Variants in RSPH14 observed in about 807,000 individuals in gnomAD.
RSPH14 encodes rhabdoid tumor deletion region gene 1.
RSPH14 carries 20 observed loss-of-function variants against 26.7 expected under a neutral mutation model. The ratio of observed to expected loss-of-function variants is 0.75; its 90% confidence interval spans 0.53 to 1.09. RSPH14 has a LOEUF of 1.09. RSPH14 is among the 50% of genes least tolerant of loss of function. The probability of loss-of-function intolerance (pLI) is 0.00; values close to 1 mark genes in which losing one functional copy is unlikely to be tolerated. For missense variants in RSPH14, 449 were observed against 457.2 expected, an observed-to-expected ratio of 0.98 and a Z score of 0.16; for synonymous variants, 177 against 189.3, an observed-to-expected ratio of 0.93 and a Z score of 0.53.
intron 4 of RSPH14, among the ~76,000 whole-genome samples, chr22:23,102,550 G>A (rs909069927): frequency 6.6e-6 from 1 of 152,218 alleles, no homozygotes; most frequent in African/African-American, 2.4e-5. Context: ...TCAGAGGTCA[G>A]CCACAAGGCA....
At chr22:23,160,828 A>C in the RSPH14 span, 4 of 1,584,504 alleles carry the variant, frequency 2.5e-6, 1 homozygote, top group Admixed American at 6.9e-5. Flanking sequence ...AGATGCATTA[A>C]GGGGCAAGGA....
At chr22:23,147,693 A>G (rs1310425598), upstream of RSPH14, among the ~76,000 whole-genome samples, 6 of 152,198 alleles carry the variant, frequency 3.9e-5, no homozygotes, top group Non-Finnish European at 8.8e-5. Context: ...TACAATGTGC[A>G]TAAGGATAGG....
the RSPH14 span, among the ~76,000 whole-genome samples, chr22:23,166,468 A>G: frequency 2.0e-5 from 3 of 151,800 alleles, no homozygotes; most frequent in African/African-American, 7.3e-5. Context: ...CTTTCTCCCT[A>G]AGCAACAGCT....
chr22:23,145,374 C>G (rs150719251), upstream of RSPH14: 5 of 1,607,000 alleles, frequency 3.1e-6, no homozygotes, highest in Non-Finnish European at 4.2e-6. Flanking sequence ...CTATGGTGAT[C>G]GCCGGTGCAA....
At chr22:23,088,371 G>A (rs2068873105) in intron 4 of RSPH14, among the ~76,000 whole-genome samples, 2 of 152,188 alleles carry the variant, frequency 1.3e-5, no homozygotes, top group South Asian at 4.1e-4. Flanking sequence ...GTGGTCACAG[G>A]CATCAGTGAG....
In RSPH14 at chr22:23,130,100, A is replaced by G. The variant is rs570885737; in HGVS notation, c.421+3926T>C. 4.3e-3 allele frequency among the ~76,000 whole-genome samples: 312 copies of G among 73,028 alleles called. 4 individuals are homozygous for G. The highest frequency in any genetic ancestry group is 0.014 in the African/African-American group (284 of 20,370). The allele number at this position is 73,028 out of a possible 152,430, so 47.9% of individuals were successfully genotyped here. A position where few individuals can be genotyped will look rare whatever the true frequency, so the allele number is the denominator to read the frequency against. The stretch of plus-strand genomic sequence containing the variant: ...GAAAGAAAGGAAGAAAGAAAGAAAG[A>G]AAGAAAGAAAGAAAGAAAGAAAGAA... On this transcript the variant is annotated intron_variant, in intron 4 of 6. Coordinates refer to ENST00000216036, the MANE Select transcript of RSPH14 (RefSeq NM_014433.3).
At chr22:23,145,453 G>T, upstream of RSPH14, 1 of 1,610,524 alleles carries the variant, frequency 6.2e-7, no homozygotes, top group Non-Finnish European at 8.5e-7. Flanking sequence ...GATTCGTGTA[G>T]CCCGCAGGTC....
chr22:23,156,906 C>G, the RSPH14 span, among the ~76,000 whole-genome samples: 2 of 152,196 alleles, frequency 1.3e-5, no homozygotes, highest in East Asian at 3.9e-4. Flanking sequence ...GCCGTCATCC[C>G]TTTCCTCAGT....
upstream of RSPH14, among the ~76,000 whole-genome samples, chr22:23,144,109 A>AC (rs2070662637): frequency 6.6e-6 from 1 of 150,942 alleles, no homozygotes; most frequent in African/African-American, 2.4e-5. Flanking sequence ...AAAAAAAAAA[A>AC]AAAAAAAAAA....
At chr22:23,089,010 G>A (rs2068889835) in intron 4 of RSPH14, among the ~76,000 whole-genome samples, 1 of 152,238 alleles carries the variant, frequency 6.6e-6, no homozygotes, top group South Asian at 2.1e-4. Context: ...GGCAGGGTCT[G>A]TGTGTTGAAC....
intron 4 of RSPH14, among the ~76,000 whole-genome samples, chr22:23,078,909 C>T (rs577670242): frequency 1.1e-4 from 16 of 152,288 alleles, no homozygotes; most frequent in South Asian, 4.1e-4. Flanking sequence ...TCCAGGTGGG[C>T]GGGGGCTGTG....
chr22:23,068,159 C>T (rs993002006), intron 4 of RSPH14, among the ~76,000 whole-genome samples: 5 of 152,252 alleles, frequency 3.3e-5, no homozygotes, highest in Non-Finnish European at 4.4e-5. Context: ...TTCCTGGCCT[C>T]GTGCTCCTTC....
chr22:23,110,042 C>T (rs1380674916), intron 4 of RSPH14, among the ~76,000 whole-genome samples: 1 of 152,186 alleles, frequency 6.6e-6, no homozygotes, highest in African/African-American at 2.4e-5. Context: ...GAAGCACTAA[C>T]CAGATTGGAC....
chr22:23,059,863 C>G, intron 6 of RSPH14, 145 bp from the exon 7 acceptor site: 1 of 879,486 alleles, frequency 1.1e-6, no homozygotes, highest in Non-Finnish European at 1.6e-6. Context: ...ATGCCCTCAC[C>G]CTCAGGGCTC....
rs199783550 is a variant in RSPH14, at chr22:23,061,832, A to G, written c.767T>C (p.Met256Thr). 109 of 1,613,970 alleles carry G rather than the reference A, an allele frequency of 6.8e-5. No homozygotes were observed. Among genetic ancestry groups the G allele is most frequent in the Middle Eastern group, 3.3e-4 (2 of 6,084 alleles). Residue 256 changes from methionine (M) to threonine (T), a missense_variant, in exon 6 of 7, where the codon ATG becomes ACG. Physicochemically the swap from Met to Thr is moderately conservative, Grantham distance 81. Coordinates refer to ENST00000216036, the MANE Select transcript of RSPH14 (RefSeq NM_014433.3). ...ACCTTCAGTGATCACTGTGGCGAAC[A>G]TCAGGGCACCGGCAGCGTTAGACTT... The part of the protein sequence containing the change: ...HVKSNAAGAL[M>T]FATVITEGKY...
intron 4 of RSPH14, among the ~76,000 whole-genome samples, chr22:23,091,029 C>T (rs2068956376): frequency 6.6e-6 from 1 of 152,230 alleles, no homozygotes; most frequent in Non-Finnish European, 1.5e-5. Context: ...GGTTCCTCCT[C>T]TCCAGGGCAT....
chr22:23,140,086 C>A, intron 2 of RSPH14, 136 bp downstream of exon 2: 1 of 1,050,718 alleles, frequency 9.5e-7, no homozygotes, highest in Non-Finnish European at 1.4e-6. Context: ...TAAAAAGAAC[C>A]CGGGCACCGC....
intron 4 of RSPH14, among the ~76,000 whole-genome samples, chr22:23,116,424 G>A (rs979155698): frequency 6.6e-6 from 1 of 152,252 alleles, no homozygotes. Flanking sequence ...AGTGCAGGAG[G>A]GAGAGCGCTT....
At chr22:23,175,550 GA>G in the RSPH14 span, among the ~76,000 whole-genome samples, 1 of 149,408 alleles carries the variant, frequency 6.7e-6, no homozygotes, top group Admixed American at 6.7e-5. Context: ...TTAAACTCCT[GA>G]CCTCAAGTGA....
Sources: gnomAD v4.1 joint callset for allele counts (sites outside exome capture counted in the v4.1 genomes callset) on GRCh38, gnomAD v4.1.1 for gene constraint, MANE v1.5 for transcripts, NCBI Gene and HGNC (gene_info 2026-07-23, HGNC 2026-07-21) for gene names.